The following BTBD16 variants were observed in gnomAD, a reference collection of about 807,000 sequenced individuals.
The protein encoded by BTBD16 is BTB domain containing 16, also known as BTB/POZ domain-containing protein 16.
Under a neutral mutation model 67.4 loss-of-function variants are expected in BTBD16, and 66 were observed. That is an observed-to-expected ratio of 0.98 (90% CI 0.80 to 1.20). BTBD16 has a LOEUF of 1.20. Among genes scored for constraint, BTBD16 ranks in the 50% most tolerant of loss-of-function variants. The pLI is 0.00. For synonymous variants in BTBD16, 242 were observed against 236.4 expected (o/e 1.02, Z -0.22); for missense variants, 634 against 616.0 (o/e 1.03, Z -0.31).
At chr10:122,335,907 T>C (rs4752683) in intron 14 of BTBD16, among the ~76,000 whole-genome samples, 55,495 of 151,764 alleles carry the variant, frequency 0.37, 10,554 homozygotes, top group East Asian at 0.69. Context: ...CTCACTCTGT[T>C]GCCCAGGCTG....
chr10:122,317,956 A>C (rs1414182189), intron 10 of BTBD16, among the ~76,000 whole-genome samples: 1 of 152,350 alleles, frequency 6.6e-6, no homozygotes, highest in South Asian at 2.1e-4. Flanking sequence ...AGCCAGTAAC[A>C]GTCATTTATT....
chr10:122,305,062 A>G (rs1448465292), intron 9 of BTBD16, among the ~76,000 whole-genome samples: 2 of 152,232 alleles, frequency 1.3e-5, no homozygotes, highest in South Asian at 2.1e-4. Flanking sequence ...TCCACATCTC[A>G]CTGGCTGGAA....
rs1226259520 is a variant in BTBD16 at position 122,284,417 on chromosome 10, C to T, written c.241+493C>T. On this transcript the variant is annotated intron_variant, in intron 4 of 15. Coordinates refer to ENST00000260723, the MANE Select transcript of BTBD16 (RefSeq NM_144587.5). ...TGAGCCAAGACTGCACCACTGCACT[C>T]CAGCCTGGGTGACAGAGCAAGACTC... is the stretch of plus-strand genomic sequence containing the variant. Among the ~76,000 whole-genome samples the T allele has an allele frequency of 2.0e-4, 31 of 151,562 alleles. 1 individual carries two copies. Among genetic ancestry groups the T allele is most frequent in the Admixed American group, 2.0e-3 (30 of 15,204 alleles).
intron 10 of BTBD16, among the ~76,000 whole-genome samples, chr10:122,308,313 C>T (rs528468251): frequency 2.0e-4 from 30 of 152,300 alleles, no homozygotes; most frequent in Non-Finnish European, 2.5e-4. Context: ...GAGCCAGAGA[C>T]GCCACAGCTC....
chr10:122,314,095 A>G (rs541609202), intron 10 of BTBD16, among the ~76,000 whole-genome samples: 11 of 152,354 alleles, frequency 7.2e-5, no homozygotes, highest in African/African-American at 2.6e-4. Flanking sequence ...AAAAAAGACA[A>G]GAGAAGAAAA....
intron 15 of BTBD16, among the ~76,000 whole-genome samples, chr10:122,337,220 A>G (rs556279065): frequency 6.6e-6 from 1 of 152,302 alleles, no homozygotes; most frequent in South Asian, 2.1e-4. Context: ...CATCAGAATC[A>G]CCTGGGGGCC....
chr10:122,276,973 GC>G, intron 3 of BTBD16, 34 bp downstream of exon 3: 1 of 1,600,772 alleles, frequency 6.2e-7, no homozygotes, highest in Non-Finnish European at 8.5e-7. Context: ...GGAGGGAATG[GC>G]CCATTATTCC....
intron 7 of BTBD16, among the ~76,000 whole-genome samples, chr10:122,296,350 T>C (rs2096383141): frequency 6.6e-6 from 1 of 152,150 alleles, no homozygotes; most frequent in African/African-American, 2.4e-5. Flanking sequence ...TGGTTGTTGG[T>C]GGTAACAAGA....
At chr10:122,296,078 A>C (rs1355713879) in intron 7 of BTBD16, among the ~76,000 whole-genome samples, 2 of 152,078 alleles carry the variant, frequency 1.3e-5, no homozygotes, top group African/African-American at 4.8e-5. Context: ...CTAGCGGCAG[A>C]TAAAAAGGGA....
intron 10 of BTBD16, among the ~76,000 whole-genome samples, chr10:122,315,988 C>T (rs190093160): frequency 3.3e-5 from 5 of 152,226 alleles, no homozygotes; most frequent in Admixed American, 2.0e-4. Context: ...ACTCATAGGC[C>T]GGGCACGGTG....
intron 5 of BTBD16, among the ~76,000 whole-genome samples, chr10:122,288,015 T>TTCCC (rs1275596824): frequency 3.3e-5 from 5 of 152,152 alleles, no homozygotes; most frequent in East Asian, 1.9e-4. Flanking sequence ...ACATAACTGA[T>TTCCC]TCCCTCCCTC....
At chr10:122,304,347 A>G (rs1182375762) in intron 9 of BTBD16, among the ~76,000 whole-genome samples, 1 of 152,170 alleles carries the variant, frequency 6.6e-6, no homozygotes, top group Non-Finnish European at 1.5e-5. Context: ...GGTGCCACCC[A>G]CCATAACCAC....
At chr10:122,321,492 C>T (rs1053133640) in intron 10 of BTBD16, among the ~76,000 whole-genome samples, 1 of 152,302 alleles carries the variant, frequency 6.6e-6, no homozygotes, top group Non-Finnish European at 1.5e-5. Flanking sequence ...TAAGTGTTCC[C>T]TTTTCTCCAC....
At chr10:122,283,754 G>T in intron 3 of BTBD16, 97 bp from the exon 4 acceptor site, 1 of 904,502 alleles carries the variant, frequency 1.1e-6, no homozygotes, top group African/African-American at 1.6e-5. Flanking sequence ...TGATCAATGG[G>T]TGCTTTAAGG....
chr10:122,332,639 C>A (rs1208164275), intron 13 of BTBD16, 126 bp downstream of exon 13: 10 of 1,067,772 alleles, frequency 9.4e-6, no homozygotes, highest in Non-Finnish European at 1.3e-5. Context: ...GAAGAGAGAA[C>A]CACAGGTGTC....
intron 9 of BTBD16, chr10:122,303,573 A>C (rs529214897): frequency 2.1e-5 from 6 of 289,124 alleles, no homozygotes; most frequent in African/African-American, 1.4e-4. Context: ...ATCCTTGTTC[A>C]TATCTTACTC....
In BTBD16 at chr10:122,336,535, C is replaced by G; in HGVS notation, c.1305C>G (p.Tyr435Ter). 1 of 1,612,172 alleles carries G rather than the reference C, an allele frequency of 6.2e-7. No homozygotes were observed. The highest frequency in any genetic ancestry group is 8.5e-7 in the Non-Finnish European group (1 of 1,179,254). Residue 435 changes from tyrosine (Y) to a stop codon, truncating the protein, a stop_gained, in exon 15 of 16, where the codon TAC (tyrosine) becomes TAG (stop). Transcript: ENST00000260723. LOFTEE classifies it high-confidence loss of function. ...ACCTGGAATCTCCCTCTGCGGTCTA[C>G]GAGCACAACCACGTCAGCCTGCGAG... is the stretch of plus-strand genomic sequence containing the variant. ...HTDLESPSAV[Y>*]EHNHVSLRAA...
intron 10 of BTBD16, 68 bp from the exon 11 acceptor site, chr10:122,329,412 C>T (rs1459463743): frequency 6.6e-7 from 1 of 1,511,486 alleles, no homozygotes; most frequent in Non-Finnish European, 9.1e-7. Context: ...ATGGCTTTCC[C>T]TAGCCCGAGC....
chr10:122,327,537 G>T, intron 10 of BTBD16: 5 of 965,318 alleles, frequency 5.2e-6, no homozygotes, highest in Non-Finnish European at 6.2e-6. Context: ...ACTGTGGCTG[G>T]CTGGGCTGGG....
Sources: gnomAD v4.1 joint callset for allele counts (sites outside exome capture counted in the v4.1 genomes callset) on GRCh38, gnomAD v4.1.1 for gene constraint, MANE v1.5 for transcripts, NCBI Gene and HGNC (gene_info 2026-07-23, HGNC 2026-07-21) for gene names.